SCAI: variants seen among roughly 807,000 people sequenced by gnomAD.
SCAI encodes protein SCAI.
In SCAI, 24 loss-of-function variants were observed where a neutral mutation model predicts 92.2. The ratio of observed to expected loss-of-function variants is 0.26; its 90% confidence interval spans 0.19 to 0.37. SCAI has a LOEUF of 0.37. Ranked by LOEUF, SCAI falls within the 10% of genes least tolerant of loss-of-function variation. SCAI has a pLI of 1.00. For missense variants in SCAI, 450 were observed against 736.2 expected (o/e 0.61, Z 4.50); for synonymous variants, 261 against 258.6 (o/e 1.01, Z -0.09).
In SCAI at chr9:125,109,689, C is replaced by CTATCTATG. The variant is rs573722446; in HGVS notation, c.98+32943_98+32944insCATAGATA. Among the ~76,000 whole-genome samples, 109 of 148,620 alleles carry CTATCTATG rather than the reference C, an allele frequency of 7.3e-4. 1 individual carries two copies. The highest frequency in any genetic ancestry group is 2.6e-3 in the African/African-American group (106 of 41,010). On this transcript the variant is annotated intron_variant, in intron 2 of 17. Coordinates refer to ENST00000336505, the MANE Select transcript of SCAI (RefSeq NM_001144877.3). ...TCTATCTATCTATCTATCTATCTAT[C>CTATCTATG]TATGTATTTATTTTTGAGGCACAGT...
chr9:125,007,964 G>A (rs944736850), intron 9 of SCAI, among the ~76,000 whole-genome samples: 5 of 151,884 alleles, frequency 3.3e-5, no homozygotes, highest in Non-Finnish European at 7.4e-5. Context: ...TCCTGCCTCA[G>A]CCTCCGGAGT....
At chr9:125,027,201 C>G (rs1197687642) in intron 5 of SCAI, among the ~76,000 whole-genome samples, 1 of 152,110 alleles carries the variant, frequency 6.6e-6, no homozygotes, top group Non-Finnish European at 1.5e-5. Context: ...GCATTCCATC[C>G]AGTGAAATCC....
chr9:125,069,143 G>A (rs541713677), intron 2 of SCAI, among the ~76,000 whole-genome samples: 107 of 151,818 alleles, frequency 7.0e-4, no homozygotes, highest in African/African-American at 2.3e-3. Flanking sequence ...ACTTTAACCC[G>A]AGAGGCAGAG....
At chr9:125,056,110 G>C in intron 2 of SCAI, 103 bp from the exon 3 acceptor site, 1 of 792,004 alleles carries the variant, frequency 1.3e-6, no homozygotes, top group Non-Finnish European at 2.0e-6. Flanking sequence ...GACAGATATA[G>C]AATTCTTCTG....
intron 2 of SCAI, among the ~76,000 whole-genome samples, chr9:125,132,773 C>A (rs1221225838): frequency 6.6e-6 from 1 of 152,054 alleles, no homozygotes; most frequent in Non-Finnish European, 1.5e-5. Flanking sequence ...TCAAGAGCAG[C>A]CTGACCAACA....
At chr9:124,999,711 A>G (rs1832317945) in intron 13 of SCAI, among the ~76,000 whole-genome samples, 180 bp downstream of exon 13, 1 of 152,170 alleles carries the variant, frequency 6.6e-6, no homozygotes, top group Non-Finnish European at 1.5e-5. Context: ...CTAATTTCCT[A>G]GGATAGACAG....
intron 2 of SCAI, among the ~76,000 whole-genome samples, chr9:125,114,919 A>T (rs1022578769): frequency 2.6e-5 from 4 of 151,964 alleles, no homozygotes; most frequent in African/African-American, 9.7e-5. Flanking sequence ...GATTACAGGC[A>T]TGCACACCAT....
intron 15 of SCAI, among the ~76,000 whole-genome samples, chr9:124,974,775 T>C (rs1831724052): frequency 1.3e-5 from 2 of 152,200 alleles, no homozygotes; most frequent in Non-Finnish European, 2.9e-5. Context: ...ACAGCACATA[T>C]TGAGTAGTTA....
At position 124,971,815 on chromosome 9, in the gene SCAI, G is replaced by C. The variant is rs765417164; in HGVS notation, c.1429C>G (p.Leu477Val). 6.2e-7 allele frequency: 1 copy of C among 1,605,692 alleles called. No homozygotes were observed. Among genetic ancestry groups the C allele is most frequent in the Non-Finnish European group, 8.5e-7 (1 of 1,178,000 alleles). The change falls in exon 16 of 18, where the codon CTC (leucine) becomes GTC (valine). Residue 477 changes from leucine (L) to valine (V), a missense_variant. Transcript: ENST00000336505. ...GCCATTAGAGGATTGTTCAAAAAGA[G>C]AGTGAAGAGGCTACCTCGCTGAGAT... ...DQSQRGSLFTLFLNNPLMAFL... is the reference protein window; with the variant it reads ...DQSQRGSLFTVFLNNPLMAFL...
intron 13 of SCAI, among the ~76,000 whole-genome samples, chr9:124,996,620 CATTTATTTTTTTTT>C (rs1354506668): frequency 6.6e-6 from 1 of 151,352 alleles, no homozygotes; most frequent in Non-Finnish European, 1.5e-5. Context: ...ACAGTATTTT[CATTTATTTTTTTTT>C]ATTTATTTAT....
Position 125,076,039 on chromosome 9 carries a change from AGCAACAG to A in SCAI, c.99-20039_99-20033del, listed in dbSNP as rs1316203852. Among the ~76,000 whole-genome samples, 3 of 152,198 alleles carry A rather than the reference AGCAACAG, an allele frequency of 2.0e-5. No individual in the cohort carries two copies. The East Asian group carries it at 5.8e-4, about 29-fold the overall frequency. On this transcript the variant is annotated intron_variant, in intron 2 of 17. Transcript: ENST00000336505. Reference sequence around the variant, plus strand: ...TTGATCGATCATATACAAAGATGAGAGCAACAGTGGCCAACAGTCTGTGTATGTAGTA... The same window carrying A: ...TTGATCGATCATATACAAAGATGAGATGGCCAACAGTCTGTGTATGTAGTA...
chr9:124,962,086 T>A (rs1201234497), intron 17 of SCAI, among the ~76,000 whole-genome samples: 1 of 150,892 alleles, frequency 6.6e-6, no homozygotes, highest in African/African-American at 2.4e-5. Flanking sequence ...TAGCTGTAGA[T>A]CCTTCACTTT....
intron 3 of SCAI, among the ~76,000 whole-genome samples, chr9:125,046,655 C>G (rs1833449682): frequency 6.7e-6 from 1 of 148,806 alleles, no homozygotes; most frequent in African/African-American, 2.5e-5. Flanking sequence ...TACTAAAGAA[C>G]TTATTCATGT....
intron 14 of SCAI, among the ~76,000 whole-genome samples, chr9:124,990,732 G>A (rs988362779): frequency 6.6e-6 from 1 of 152,090 alleles, no homozygotes; most frequent in South Asian, 2.1e-4. Flanking sequence ...GAAAAATGGT[G>A]GTTAAAAAAC....
intron 9 of SCAI, among the ~76,000 whole-genome samples, chr9:125,014,279 C>T (rs1243040394): frequency 1.3e-5 from 2 of 152,144 alleles, no homozygotes; most frequent in East Asian, 3.8e-4. Context: ...ATCTAGAAAA[C>T]CCCATTGTCT....
intron 6 of SCAI, among the ~76,000 whole-genome samples, chr9:125,026,432 C>T (rs1037483757): frequency 6.6e-6 from 1 of 151,858 alleles, no homozygotes; most frequent in African/African-American, 2.4e-5. Flanking sequence ...CAGACTATTC[C>T]CTGGTCCTAC....
chr9:125,042,664 C>CACACAT (rs139156398), intron 3 of SCAI, among the ~76,000 whole-genome samples: 5,054 of 129,058 alleles, frequency 0.039, 134 homozygotes, highest in East Asian at 0.091. Context: ...CACACACACA[C>CACACAT]ACATATACAA....
In SCAI at chr9:125,091,854, G is replaced by A. The variant is rs531700104; in HGVS notation, c.99-35847C>T. 6.6e-6 allele frequency among the ~76,000 whole-genome samples: 1 copy of A among 152,328 alleles called. No individual in the cohort carries two copies. The highest frequency in any genetic ancestry group is 1.9e-4 in the East Asian group (1 of 5,180). Reference sequence around the variant, plus strand: ...GGGCCGGGCACAGTGGCTCACGCCTGTAATCCCAGCACTGCGGGAGGCCGA... The same window carrying A: ...GGGCCGGGCACAGTGGCTCACGCCTATAATCCCAGCACTGCGGGAGGCCGA... On this transcript the variant is annotated intron_variant, in intron 2 of 17. Transcript: ENST00000336505. The surrounding 1 kb of genome is among the most constrained non-coding windows in gnomAD (Gnocchi z 4.3).
At chr9:124,994,895 C>T in intron 14 of SCAI, 39 bp downstream of exon 14, 2 of 1,441,934 alleles carry the variant, frequency 1.4e-6, no homozygotes, top group South Asian at 2.4e-5. Context: ...GGGTTGGTGC[C>T]ACAATGTCTA....
Sources: allele counts gnomAD v4.1 joint callset (sites outside exome capture counted in the v4.1 genomes callset), GRCh38; gene constraint gnomAD v4.1.1; non-coding constraint Gnocchi (gnomAD v3.1); transcripts MANE v1.5; gene names NCBI Gene and HGNC (gene_info 2026-07-23, HGNC 2026-07-21).